The following LCLAT1 variants were observed in gnomAD, a reference collection of about 807,000 sequenced individuals.
LCLAT1 encodes lysocardiolipin acyltransferase 1.
Under a neutral mutation model 30.7 loss-of-function variants are expected in LCLAT1, and 11 were observed. That is an observed-to-expected ratio of 0.36 (90% confidence interval 0.23 to 0.59). The LOEUF is 0.59. Among genes scored for constraint, LCLAT1 ranks in the 20% least tolerant of loss-of-function variants. LCLAT1 has a pLI of 0.77. For synonymous variants in LCLAT1, 155 were observed against 151.3 expected (o/e 1.02, Z -0.18); for missense variants, 402 against 458.6 (o/e 0.88, Z 1.13).
At chr2:30,599,812 A>G (rs867372655) in intron 5 of LCLAT1, among the ~76,000 whole-genome samples, 1 of 151,816 alleles carries the variant, frequency 6.6e-6, no homozygotes, top group Non-Finnish European at 1.5e-5. Context: ...ATTTTCCTCC[A>G]TCCCTTTATT....
chr2:30,629,163 T>C (rs1449143994), intron 5 of LCLAT1, among the ~76,000 whole-genome samples: 1 of 152,230 alleles, frequency 6.6e-6, no homozygotes, highest in African/African-American at 2.4e-5. Context: ...CTATATATGG[T>C]AGAGGGTAAA....
chr2:30,499,847 C>T (rs1684286126), intron 1 of LCLAT1, among the ~76,000 whole-genome samples: 2 of 152,096 alleles, frequency 1.3e-5, no homozygotes, highest in South Asian at 4.1e-4. Flanking sequence ...GTCACATTAA[C>T]TATGTTTTTA....
intron 5 of LCLAT1, among the ~76,000 whole-genome samples, chr2:30,590,183 T>C (rs2593432): frequency 0.7 from 106,472 of 151,918 alleles, 37,423 homozygotes; most frequent in Middle Eastern, 0.73. Flanking sequence ...GGAAAGGCCT[T>C]CATTTTAAAT....
At chr2:30,626,453 C>A (rs2602799) in intron 5 of LCLAT1, among the ~76,000 whole-genome samples, 132,839 of 152,198 alleles carry the variant, frequency 0.87, 58,304 homozygotes, top group African/African-American at 0.94. Flanking sequence ...TTGTGATTTT[C>A]TCACGTGTGT....
intron 1 of LCLAT1, among the ~76,000 whole-genome samples, chr2:30,450,298 A>G (rs1681478708): frequency 6.6e-6 from 1 of 152,226 alleles, no homozygotes; most frequent in Non-Finnish European, 1.5e-5. Context: ...GAAACAGAGC[A>G]AAGCTAGGAC....
chr2:30,509,491 T>C (rs1684836223), intron 1 of LCLAT1, among the ~76,000 whole-genome samples: 1 of 152,228 alleles, frequency 6.6e-6, no homozygotes, highest in South Asian at 2.1e-4. Context: ...TTGAATAGTA[T>C]AGCTGTCCAG....
chr2:30,574,568 A>T (rs889011612), intron 5 of LCLAT1, among the ~76,000 whole-genome samples: 1 of 152,224 alleles, frequency 6.6e-6, no homozygotes, highest in Non-Finnish European at 1.5e-5. Context: ...ACATTCCATT[A>T]CATGAGAAAG....
At chr2:30,506,940 AGT>A (rs1481208667) in intron 1 of LCLAT1, among the ~76,000 whole-genome samples, 1 of 152,198 alleles carries the variant, frequency 6.6e-6, no homozygotes, top group Non-Finnish European at 1.5e-5. Flanking sequence ...TTACAAGAAG[AGT>A]GGTGCATAAA....
At chr2:30,460,982 C>T (rs981316781) in intron 1 of LCLAT1, among the ~76,000 whole-genome samples, 4 of 152,194 alleles carry the variant, frequency 2.6e-5, no homozygotes, top group Admixed American at 2.0e-4. Context: ...TAGACCTTGC[C>T]CTTGCTCTGT....
Position 30,501,076 on chromosome 2 carries a change from CTGTGTGTGTGTGTGTGTGTGTATGTG to C in LCLAT1, c.-4-24491_-4-24466del, listed in dbSNP as rs1336959488. 2.7e-5 allele frequency among the ~76,000 whole-genome samples: 4 copies of C among 146,618 alleles called. No individual in the cohort carries two copies. In the East Asian group the frequency reaches 6.3e-4, roughly 23 times the overall value. On this transcript the variant is annotated intron_variant, in intron 1 of 5. Coordinates refer to ENST00000379509, the MANE Select transcript of LCLAT1 (RefSeq NM_001002257.3). ...ATTCCGTTTTTTGTTTTGTTTTGTTCTGTGTGTGTGTGTGTGTGTGTATGTGTGTGTGTGTGTGTGTGTGTAGTTAC... is the reference window on the plus strand; with the variant it reads ...ATTCCGTTTTTTGTTTTGTTTTGTTCTGTGTGTGTGTGTGTGTGTAGTTAC...
At chr2:30,554,711 A>G (rs781483935) in intron 3 of LCLAT1, among the ~76,000 whole-genome samples, 6 of 152,206 alleles carry the variant, frequency 3.9e-5, no homozygotes, top group Non-Finnish European at 7.4e-5. Flanking sequence ...AATGGCTGCT[A>G]TGAAAAAGAC....
intron 1 of LCLAT1, among the ~76,000 whole-genome samples, chr2:30,463,784 C>G (rs926778494): frequency 4.7e-4 from 71 of 152,240 alleles, no homozygotes; most frequent in African/African-American, 1.6e-3. Context: ...GAACAGATCC[C>G]CCATGGATAT....
chr2:30,558,324 G>A (rs774537063), intron 3 of LCLAT1, among the ~76,000 whole-genome samples: 23 of 152,176 alleles, frequency 1.5e-4, no homozygotes, highest in Non-Finnish European at 2.8e-4. Flanking sequence ...ATTTGGCCAG[G>A]CGTGGTGGCT....
chr2:30,545,201 G>T (rs763748066), intron 3 of LCLAT1, among the ~76,000 whole-genome samples: 86 of 152,154 alleles, frequency 5.7e-4, no homozygotes, highest in Admixed American at 2.8e-3. Flanking sequence ...GTTAAAAAGG[G>T]AATTAAAGTT....
At chr2:30,470,073 G>A (rs1203470617) in intron 1 of LCLAT1, among the ~76,000 whole-genome samples, 1 of 152,114 alleles carries the variant, frequency 6.6e-6, no homozygotes, top group African/African-American at 2.4e-5. Context: ...GAAATCACAC[G>A]AGTGTCAAAA....
chr2:30,621,057 CA>C (rs1359160133), intron 5 of LCLAT1, among the ~76,000 whole-genome samples: 1 of 152,068 alleles, frequency 6.6e-6, no homozygotes, highest in African/African-American at 2.4e-5. Flanking sequence ...ATCCTATTTC[CA>C]AGTAAGGTTA....
intron 1 of LCLAT1, among the ~76,000 whole-genome samples, chr2:30,519,717 G>A (rs1685380139): frequency 1.3e-5 from 2 of 152,296 alleles, no homozygotes; most frequent in South Asian, 4.1e-4. Flanking sequence ...CCCGGGGAGG[G>A]ACAGTGATCA....
At chr2:30,539,248 C>CTTTTTTT (rs72012748) in intron 3 of LCLAT1, among the ~76,000 whole-genome samples, 1 of 90,862 alleles carries the variant, frequency 1.1e-5, no homozygotes, top group Non-Finnish European at 2.0e-5. Flanking sequence ...CGCGCCAGGC[C>CTTTTTTT]TTTTTTTTTT....
chr2:30,609,379 A>T (rs1298867634), intron 5 of LCLAT1, among the ~76,000 whole-genome samples: 1 of 152,076 alleles, frequency 6.6e-6, no homozygotes, highest in Admixed American at 6.6e-5. Context: ...AGCTTTATCC[A>T]TCTGGAGTCC....
Sources: allele counts gnomAD v4.1 joint callset (sites outside exome capture counted in the v4.1 genomes callset), GRCh38; gene constraint gnomAD v4.1.1; transcripts MANE v1.5; gene names NCBI Gene and HGNC (gene_info 2026-07-23, HGNC 2026-07-21).